FGFR2: variants seen among roughly 807,000 people sequenced by gnomAD.
FGFR2 encodes BEK fibroblast growth factor receptor.
Under a neutral mutation model 95.9 loss-of-function variants are expected in FGFR2, and 19 were observed. That is an observed-to-expected ratio of 0.20 (90% CI 0.14 to 0.29). The LOEUF is 0.29. Among genes scored for constraint, FGFR2 ranks in the 10% least tolerant of loss-of-function variants. The probability of loss-of-function intolerance (pLI) is 1.00; values close to 1 mark genes in which losing one functional copy is unlikely to be tolerated. For missense variants in FGFR2, 707 were observed against 1,056.9 expected, an observed-to-expected ratio of 0.67 and a Z score of 4.59; for synonymous variants, 392 against 393.3, an observed-to-expected ratio of 1.00 and a Z score of 0.04.
At chr10:121,592,889 T>C (rs138358320) in intron 2 of FGFR2, among the ~76,000 whole-genome samples, 1,657 of 152,236 alleles carry the variant, frequency 0.011, 12 homozygotes, top group Non-Finnish European at 0.016. Flanking sequence ...CAGCTACCAA[T>C]ATTCCCTACT....
At position 121,478,455 on chromosome 10, in the gene FGFR2, A is replaced by C. The variant is rs886046758; in HGVS notation, c.*1402T>G. On this transcript the variant is annotated 3_prime_UTR_variant, in exon 18 of 18. Transcript: ENST00000358487. The stretch of plus-strand genomic sequence containing the variant: ...AATACTTTCTCCAATTTTGTAACAC[A>C]TAAGATCAGTGTAATCTGCATTCAT... 4.3e-6 allele frequency: 1 copy of C among 233,536 alleles called. No individual in the cohort carries two copies. Among genetic ancestry groups the C allele is most frequent in the Non-Finnish European group, 8.5e-6 (1 of 118,010 alleles). 14.5% of individuals were successfully genotyped at this position (233,536 alleles called of 1,614,324 possible).
chr10:121,556,989 A>C (rs1856252170), intron 4 of FGFR2, among the ~76,000 whole-genome samples: 1 of 152,206 alleles, frequency 6.6e-6, no homozygotes. Flanking sequence ...AAATCTAACA[A>C]AATACGGAGA....
chr10:121,595,425 T>C (rs1863273728), intron 1 of FGFR2, among the ~76,000 whole-genome samples: 1 of 152,170 alleles, frequency 6.6e-6, no homozygotes, highest in Non-Finnish European at 1.5e-5. Context: ...AAAGTATGTG[T>C]GCAGTGTGTG....
intron 2 of FGFR2, among the ~76,000 whole-genome samples, chr10:121,590,535 A>G (rs1211096208): frequency 1.3e-5 from 2 of 152,234 alleles, no homozygotes; most frequent in African/African-American, 4.8e-5. Flanking sequence ...TGGAAAACTC[A>G]TATTTAATCT....
At chr10:121,560,845 G>A (rs1450088708) in intron 4 of FGFR2, among the ~76,000 whole-genome samples, 1 of 152,096 alleles carries the variant, frequency 6.6e-6, no homozygotes, top group Admixed American at 6.5e-5. Context: ...TCGCATTTCA[G>A]TGTGAATCAG....
At chr10:121,558,526 C>A (rs1245856419) in intron 4 of FGFR2, among the ~76,000 whole-genome samples, 1 of 152,166 alleles carries the variant, frequency 6.6e-6, no homozygotes, top group East Asian at 1.9e-4. Flanking sequence ...GATGAAGAAA[C>A]CAACTTAAAA....
At chr10:121,523,210 C>T (rs1850813323) in intron 6 of FGFR2, among the ~76,000 whole-genome samples, 1 of 152,150 alleles carries the variant, frequency 6.6e-6, no homozygotes, top group African/African-American at 2.4e-5. Flanking sequence ...ATTCATCTGC[C>T]CCTATATTGC....
chr10:121,546,255 C>T (rs995988254), intron 5 of FGFR2, among the ~76,000 whole-genome samples: 3 of 150,004 alleles, frequency 2.0e-5, no homozygotes, highest in Non-Finnish European at 2.9e-5. Flanking sequence ...GATGGTGATA[C>T]TATTAAATTA....
intron 13 of FGFR2, among the ~76,000 whole-genome samples, chr10:121,488,533 T>C (rs1256419997): frequency 2.4e-5 from 2 of 84,680 alleles, no homozygotes; most frequent in African/African-American, 5.2e-5. Flanking sequence ...AGAGTGAGAC[T>C]CTGTCTCAAA....
At chr10:121,547,897 C>T (rs897977075) in intron 5 of FGFR2, among the ~76,000 whole-genome samples, 4 of 152,160 alleles carry the variant, frequency 2.6e-5, no homozygotes, top group Non-Finnish European at 4.4e-5. Context: ...TCCAGTGACT[C>T]CAGGACCTGG....
chr10:121,480,414 C>G, intron 17 of FGFR2: 1 of 355,176 alleles, frequency 2.8e-6, no homozygotes, highest in Non-Finnish European at 5.3e-6. Context: ...TCTACACCAC[C>G]TCCTCACTAG....
intron 2 of FGFR2, among the ~76,000 whole-genome samples, chr10:121,569,199 TTTTTC>T (rs141842032): frequency 0.4 from 55,032 of 136,270 alleles, 9,944 homozygotes; most frequent in Middle Eastern, 0.47. Flanking sequence ...TCTGGGTTTC[TTTTTC>T]TTTTCTTTTC....
chr10:121,592,294 C>A (rs2135467249), intron 2 of FGFR2, among the ~76,000 whole-genome samples: 1 of 152,310 alleles, frequency 6.6e-6, no homozygotes, highest in African/African-American at 2.4e-5. Context: ...AAAAATGCAT[C>A]ACCACTGCAA....
intron 4 of FGFR2, among the ~76,000 whole-genome samples, chr10:121,560,903 G>T (rs1328989993): frequency 1.3e-5 from 2 of 152,172 alleles, no homozygotes; most frequent in Non-Finnish European, 2.9e-5. Context: ...AGGAACCTGA[G>T]AATCTGCATT....
At chr10:121,595,131 A>G (rs780682367) in intron 1 of FGFR2, among the ~76,000 whole-genome samples, 3 of 152,250 alleles carry the variant, frequency 2.0e-5, no homozygotes, top group Non-Finnish European at 4.4e-5. Context: ...GGAATGAACC[A>G]CATTTTCTAA....
intron 13 of FGFR2, among the ~76,000 whole-genome samples, chr10:121,488,410 G>A (rs1313682132): frequency 1.3e-5 from 2 of 151,900 alleles, no homozygotes; most frequent in African/African-American, 4.8e-5. Flanking sequence ...GCGTGGTGGT[G>A]TGCACCTGTA....
intron 2 of FGFR2, among the ~76,000 whole-genome samples, chr10:121,567,851 C>A (rs868338671): frequency 6.6e-6 from 1 of 152,250 alleles, no homozygotes; most frequent in Non-Finnish European, 1.5e-5. Flanking sequence ...CTGTGGCCTG[C>A]AAGCCCTACA....
At chr10:121,504,285 GTTGT>G (rs1186325300) in intron 9 of FGFR2, among the ~76,000 whole-genome samples, 8 of 150,948 alleles carry the variant, frequency 5.3e-5, no homozygotes, top group Non-Finnish European at 1.5e-5. Flanking sequence ...TGCCTTTATG[GTTGT>G]ACCTGCACCT....
Position 121,575,450 on chromosome 10 carries a change from C to T in FGFR2, c.110-9746G>A, listed in dbSNP as rs41302271. Among the ~76,000 whole-genome samples the T allele has an allele frequency of 7.2e-3, 1,101 of 152,270 alleles. 14 individuals are homozygous for T. The highest frequency in any genetic ancestry group is 0.021 in the African/African-American group (859 of 41,550). On this transcript the variant is annotated intron_variant, in intron 2 of 17. Transcript: ENST00000358487. ...CTGGTCCCAACACGTGTATTAAAGT[C>T]ATATTTCATGAGTGAAAAATTCCTG...
Sources: allele counts gnomAD v4.1 joint callset (sites outside exome capture counted in the v4.1 genomes callset), GRCh38; gene constraint gnomAD v4.1.1; transcripts MANE v1.5; gene names NCBI Gene and HGNC (gene_info 2026-07-23, HGNC 2026-07-21).